ITSN1: variants seen among roughly 807,000 people sequenced by gnomAD.
ITSN1 encodes the protein intersectin 1.
A neutral mutation model predicts 239.8 loss-of-function variants in ITSN1; 58 were observed. The observed-to-expected ratio is 0.24, with a 90% CI of 0.20 to 0.30. The LOEUF (loss-of-function observed/expected upper bound fraction) is 0.30. ITSN1 is among the 10% of genes least tolerant of loss of function. The pLI, the probability that ITSN1 is intolerant of heterozygous loss-of-function variation, is 1.00. For missense variants in ITSN1, 1,558 were observed against 2,103.3 expected, an observed-to-expected ratio of 0.74 and a Z score of 5.07; for synonymous variants, 780 against 770.8, an observed-to-expected ratio of 1.01 and a Z score of -0.20.
intron 5 of ITSN1, among the ~76,000 whole-genome samples, chr21:33,737,611 T>G (rs2066584075): frequency 6.6e-6 from 1 of 152,146 alleles, no homozygotes; most frequent in Non-Finnish European, 1.5e-5. Context: ...TCTCACTTAG[T>G]CGCCCAGGCT....
intron 8 of ITSN1, among the ~76,000 whole-genome samples, chr21:33,760,824 A>C (rs936175325): frequency 2.6e-5 from 4 of 152,196 alleles, no homozygotes; most frequent in Admixed American, 1.3e-4. Flanking sequence ...TCTGTCCAGC[A>C]GTCTTCCTGG....
intron 11 of ITSN1, among the ~76,000 whole-genome samples, chr21:33,770,464 C>T (rs1395693232): frequency 6.6e-6 from 1 of 152,180 alleles, no homozygotes; most frequent in Non-Finnish European, 1.5e-5. Flanking sequence ...CACAAACATT[C>T]AGTTCCTAAC....
At chr21:33,684,745 A>C (rs2091153696) in intron 1 of ITSN1, among the ~76,000 whole-genome samples, 1 of 152,138 alleles carries the variant, frequency 6.6e-6, no homozygotes, top group South Asian at 2.1e-4. Flanking sequence ...GAAAACATTA[A>C]TCTAGAGTAG....
chr21:33,802,375 A>T lies in ITSN1; in HGVS notation c.2305-55A>T. The T allele has an allele frequency of 1.2e-5, 18 of 1,563,116 alleles. No individual in the cohort carries two copies. The South Asian group carries it at 1.9e-4, about 17-fold the overall frequency. The stretch of plus-strand genomic sequence containing the variant: ...TTTAGATATGCTGTAAGAATAAAGC[A>T]TGTCATTAAACATATATTTTGCCTT... On this transcript the variant is annotated intron_variant, in intron 19 of 39. Transcript: ENST00000381318.
intron 1 of ITSN1, among the ~76,000 whole-genome samples, chr21:33,687,398 TAAAAAA>T (rs58230508): frequency 6.0e-4 from 49 of 81,340 alleles, no homozygotes; most frequent in African/African-American, 2.5e-3. Flanking sequence ...AACTCCATCT[TAAAAAA>T]AAAAAAAAAA....
At chr21:33,790,701 C>T (rs531197900) in intron 16 of ITSN1, among the ~76,000 whole-genome samples, 32 of 152,120 alleles carry the variant, frequency 2.1e-4, no homozygotes, top group Non-Finnish European at 3.4e-4. Flanking sequence ...TGACAAATTC[C>T]ATGTGGATTT....
At chr21:33,879,491 G>A (rs1022507694) in intron 34 of ITSN1, among the ~76,000 whole-genome samples, 7 of 152,236 alleles carry the variant, frequency 4.6e-5, no homozygotes, top group Admixed American at 1.3e-4. Flanking sequence ...AGGAAGGCCT[G>A]TGTATAATGC....
At chr21:33,679,726 C>T (rs1340400644) in intron 1 of ITSN1, among the ~76,000 whole-genome samples, 20 of 91,360 alleles carry the variant, frequency 2.2e-4, no homozygotes, top group Non-Finnish European at 3.4e-4. Flanking sequence ...TTTTTTGAGA[C>T]GGAGTCTCGC....
At chr21:33,713,122 C>T (rs2092463311) in intron 1 of ITSN1, among the ~76,000 whole-genome samples, 1 of 152,094 alleles carries the variant, frequency 6.6e-6, no homozygotes, top group Admixed American at 6.6e-5. Context: ...AAGTGATCCG[C>T]CTGCCTTGGC....
intron 29 of ITSN1, chr21:33,837,833 T>A (rs2074677872): frequency 2.0e-6 from 2 of 985,776 alleles, no homozygotes; most frequent in Admixed American, 6.1e-5. Flanking sequence ...TGTTTGGGGT[T>A]TTTAATTTTG....
intron 26 of ITSN1, chr21:33,828,876 G>A: frequency 2.2e-6 from 1 of 454,184 alleles, no homozygotes; most frequent in Non-Finnish European, 4.5e-6. Flanking sequence ...TTTTCCCATG[G>A]GACTTTTCAC....
intron 1 of ITSN1, among the ~76,000 whole-genome samples, chr21:33,691,327 AC>A (rs1021038516): frequency 3.5e-4 from 53 of 152,222 alleles, no homozygotes; most frequent in African/African-American, 1.3e-3. Context: ...ACTGAAAAAA[AC>A]ATTTTTAAGT....
At chr21:33,817,423 G>GC (rs2073359590) in intron 22 of ITSN1, 1 of 1,304,376 alleles carries the variant, frequency 7.7e-7, no homozygotes. Context: ...CTCAGATGCT[G>GC]CCCCCTCTGT....
At chr21:33,869,115 C>T (rs992440056) in intron 33 of ITSN1, among the ~76,000 whole-genome samples, 1 of 152,144 alleles carries the variant, frequency 6.6e-6, no homozygotes, top group South Asian at 2.1e-4. Context: ...CGTAATGCTA[C>T]GACCTGTCTT....
At chr21:33,810,949 A>G (rs1488574913) in intron 20 of ITSN1, 26 bp from the exon 21 acceptor site, 2 of 1,614,124 alleles carry the variant, frequency 1.2e-6, no homozygotes, top group Non-Finnish European at 1.7e-6. Context: ...ATTTAGTTCT[A>G]CTTAAAGCTG....
At chr21:33,718,916 T>C in intron 2 of ITSN1, 60 bp downstream of exon 2, 1 of 1,279,094 alleles carries the variant, frequency 7.8e-7, no homozygotes, top group Non-Finnish European at 1.1e-6. Context: ...AAAAACTTGA[T>C]ATTATGGCAA....
At chr21:33,823,724 G>C (rs2073819862) in intron 25 of ITSN1, 71 bp downstream of exon 25, 3 of 1,447,268 alleles carry the variant, frequency 2.1e-6, no homozygotes, top group South Asian at 2.6e-5. Context: ...CACGATGTTT[G>C]ACAGCGGAAC....
chr21:33,699,974 C>G (rs943969880), intron 1 of ITSN1, among the ~76,000 whole-genome samples: 2 of 152,008 alleles, frequency 1.3e-5, no homozygotes, highest in African/African-American at 4.8e-5. Context: ...GTTGCCCAGG[C>G]TGGTCTTGAA....
chr21:33,781,483 G>C lies in ITSN1; in HGVS notation c.1619G>C (p.Arg540Thr). Residue 540 changes from arginine to threonine, a missense_variant, in exon 15 of 40, where the codon AGA becomes ACA. Arg to Thr is a moderately conservative substitution (Grantham distance 71). Transcript: ENST00000381318. ...QLQESQQMLGRLIPEKQILND... is the reference protein window; with the variant it reads ...QLQESQQMLGTLIPEKQILND... ...CAGGAATCTCAGCAAATGCTTGGAAGACTTATTCCAGAAAAACAGATACTC... is the reference window on the plus strand; with the variant it reads ...CAGGAATCTCAGCAAATGCTTGGAACACTTATTCCAGAAAAACAGATACTC... 1 of 1,596,022 alleles carries C rather than the reference G, an allele frequency of 6.3e-7. No individual in the cohort carries two copies.
Sources: gnomAD v4.1 joint callset for allele counts (sites outside exome capture counted in the v4.1 genomes callset) on GRCh38, gnomAD v4.1.1 for gene constraint, MANE v1.5 for transcripts, NCBI Gene and HGNC (gene_info 2026-07-23, HGNC 2026-07-21) for gene names.